Variants in CTNND2 observed in about 807,000 individuals in gnomAD.
CTNND2 encodes catenin delta-2.
A neutral mutation model predicts 144.4 loss-of-function variants in CTNND2; 22 were observed. That is an observed-to-expected ratio of 0.15 (90% confidence interval 0.11 to 0.22). The LOEUF (loss-of-function observed/expected upper bound fraction) is 0.22. Among genes scored for constraint, CTNND2 ranks in the 10% least tolerant of loss-of-function variants. The pLI is 1.00. For missense variants in CTNND2, 1,353 were observed against 1,618.8 expected (o/e 0.84, Z 2.82); for synonymous variants, 751 against 695.6 (o/e 1.08, Z -1.25).
At chr5:11,176,498 A>G (rs959574500) in intron 11 of CTNND2, among the ~76,000 whole-genome samples, 1 of 152,126 alleles carries the variant, frequency 6.6e-6, no homozygotes, top group Non-Finnish European at 1.5e-5. Context: ...AGCTCTAGTC[A>G]TTCACTTTAC....
chr5:11,686,878 T>C (rs1304751034), intron 2 of CTNND2, among the ~76,000 whole-genome samples: 2 of 148,550 alleles, frequency 1.3e-5, no homozygotes, highest in South Asian at 2.1e-4. Flanking sequence ...CTACATATAC[T>C]ATATATTTAT....
chr5:11,425,898 C>T (rs1762737003), intron 3 of CTNND2, among the ~76,000 whole-genome samples: 1 of 152,182 alleles, frequency 6.6e-6, no homozygotes. Flanking sequence ...CTAGCAACAA[C>T]CCTGCTACGT....
intron 7 of CTNND2, among the ~76,000 whole-genome samples, chr5:11,365,115 T>C (rs1453800429): frequency 6.6e-6 from 1 of 152,220 alleles, no homozygotes; most frequent in East Asian, 1.9e-4. Flanking sequence ...AATGACAACG[T>C]TTCTGAGATA....
At chr5:11,470,980 A>ATATATAT (rs1219093645) in intron 3 of CTNND2, among the ~76,000 whole-genome samples, 41 of 91,532 alleles carry the variant, frequency 4.5e-4, no homozygotes, top group African/African-American at 1.1e-3. Context: ...ATATATATAT[A>ATATATAT]TTTTTTTTTT....
At chr5:11,719,833 TACACACAC>T (rs36223515) in intron 2 of CTNND2, among the ~76,000 whole-genome samples, 8,434 of 142,084 alleles carry the variant, frequency 0.059, 358 homozygotes, top group African/African-American at 0.12. Context: ...CTCTGACATA[TACACACAC>T]ACACACACAC....
intron 16 of CTNND2, among the ~76,000 whole-genome samples, chr5:11,059,221 A>C (rs2907094): frequency 6.6e-6 from 1 of 152,016 alleles, no homozygotes; most frequent in Non-Finnish European, 1.5e-5. Flanking sequence ...GTCCACACCC[A>C]AATCTCATCT....
rs541894944 is a variant in CTNND2 at position 11,236,817 on chromosome 5, A to G, written c.1635T>C (p.Phe545=). Residue 545 remains phenylalanine (F), a synonymous_variant, in exon 10 of 22, where the codon TTT becomes TTC. Transcript: ENST00000304623. ...CCGGCAGTTCCGGGTCTCTCCATCC[A>G]AATTCTCTGAACAAAAGGAAAGAAG... is the stretch of plus-strand genomic sequence containing the variant. ...IDSIQKDPRE[F]GWRDPELPEV... 6.2e-7 allele frequency: 1 copy of G among 1,614,124 alleles called. No homozygotes were observed. Among genetic ancestry groups the G allele is most frequent in the Admixed American group, 1.7e-5 (1 of 60,024 alleles).
rs112589705 is a variant in CTNND2 at position 11,039,130 on chromosome 5, C to T, written c.2789-16151G>A. The stretch of plus-strand genomic sequence containing the variant: ...AACAAAACACACAATCGCCTTTCTA[C>T]TGTAGTCCCAAATAATGAATCTTTG... On this transcript the variant is annotated intron_variant, in intron 16 of 21. Coordinates refer to ENST00000304623, the MANE Select transcript of CTNND2 (RefSeq NM_001332.4). 3.9e-5 allele frequency among the ~76,000 whole-genome samples: 6 copies of T among 152,342 alleles called. 1 individual carries two copies. The highest frequency in any genetic ancestry group is 1.4e-4 in the African/African-American group (6 of 41,570).
At chr5:11,385,341 C>G (rs1004907504) in intron 6 of CTNND2, 112 bp from the exon 7 acceptor site, 35 of 723,558 alleles carry the variant, frequency 4.8e-5, no homozygotes, top group Non-Finnish European at 5.9e-5. Flanking sequence ...CGCGGGCGCC[C>G]GGCGGCTCTG....
intron 2 of CTNND2, chr5:11,588,959 C>CTCGAAAAAG (rs1279596700): frequency 1.0e-6 from 1 of 985,218 alleles, no homozygotes. Flanking sequence ...GAAGAACAGC[C>CTCGAAAAAG]TCGAAAAAGT....
intron 12 of CTNND2, among the ~76,000 whole-genome samples, chr5:11,123,538 T>C (rs1754356087): frequency 6.6e-6 from 1 of 152,254 alleles, no homozygotes. Context: ...AGGTCTGCTC[T>C]GGATAGCTGG....
In CTNND2 at chr5:11,364,716, C is replaced by G. The variant is rs573110777; in HGVS notation, c.1352G>C (p.Gly451Ala). The part of the protein sequence containing the change: ...QGDPLPPAHT[G>A]TYRTSTAPSS... Reference sequence around the variant, plus strand: ...CACACCTGTGCTCGTGCGGTAGGTGCCGGTGTGTGCTGGCGGCAGAGGGTC... The same window carrying G: ...CACACCTGTGCTCGTGCGGTAGGTGGCGGTGTGTGCTGGCGGCAGAGGGTC... The change falls in exon 8 of 22, where the codon GGC becomes GCC. Residue 451 changes from glycine to alanine, a missense_variant. Transcript: ENST00000304623. 3.1e-6 allele frequency: 5 copies of G among 1,613,122 alleles called. No homozygotes were observed. In the African/African-American group the frequency reaches 5.3e-5, roughly 17 times the overall value.
chr5:11,371,155 T>C (rs1010004801), intron 7 of CTNND2, among the ~76,000 whole-genome samples: 3 of 152,216 alleles, frequency 2.0e-5, no homozygotes, highest in African/African-American at 7.2e-5. Flanking sequence ...TCAGCATCGC[T>C]AGGCAACATG....
intron 3 of CTNND2, among the ~76,000 whole-genome samples, chr5:11,485,392 C>T (rs546910896): frequency 2.5e-4 from 37 of 147,640 alleles, no homozygotes; most frequent in East Asian, 2.1e-3. Flanking sequence ...CGCGCGTGCG[C>T]GCGCACATTC....
At chr5:11,324,528 C>A (rs1326380068) in intron 9 of CTNND2, among the ~76,000 whole-genome samples, 1 of 152,234 alleles carries the variant, frequency 6.6e-6, no homozygotes, top group African/African-American at 2.4e-5. Flanking sequence ...TATGCCTTCA[C>A]TTGTATTCAC....
intron 12 of CTNND2, 80 bp downstream of exon 12, chr5:11,159,496 G>A (rs1651257441): frequency 8.6e-7 from 1 of 1,163,132 alleles, no homozygotes; most frequent in Non-Finnish European, 1.2e-6. Flanking sequence ...CTCAGTAAAA[G>A]AGCCACTAAA....
chr5:11,211,555 C>T (rs956702013), intron 10 of CTNND2, among the ~76,000 whole-genome samples: 8 of 152,136 alleles, frequency 5.3e-5, no homozygotes, highest in East Asian at 1.9e-4. Context: ...TGCGTGACTA[C>T]GATTTGGGGC....
intron 9 of CTNND2, among the ~76,000 whole-genome samples, chr5:11,333,079 C>G (rs901322776): frequency 6.6e-6 from 1 of 152,168 alleles, no homozygotes; most frequent in African/African-American, 2.4e-5. Flanking sequence ...CATATTCATC[C>G]TTTTCTATCT....
chr5:11,353,571 A>C (rs1002760312), intron 8 of CTNND2, among the ~76,000 whole-genome samples: 1 of 152,152 alleles, frequency 6.6e-6, no homozygotes, highest in Non-Finnish European at 1.5e-5. Flanking sequence ...TTGGGAGGCC[A>C]AGGTGGGCGG....
Sources: gnomAD v4.1 joint callset for allele counts (sites outside exome capture counted in the v4.1 genomes callset) on GRCh38, gnomAD v4.1.1 for gene constraint, MANE v1.5 for transcripts, NCBI Gene and HGNC (gene_info 2026-07-23, HGNC 2026-07-21) for gene names.